The following AMOT variants were observed in gnomAD, a reference collection of about 807,000 sequenced individuals.
AMOT encodes angiomotin.
Under a neutral mutation model 67.0 loss-of-function variants are expected in AMOT, and 11 were observed. That is an observed-to-expected ratio of 0.16 (90% confidence interval 0.10 to 0.27). The LOEUF (loss-of-function observed/expected upper bound fraction) is 0.27, where lower values mean the gene tolerates loss of function less well. AMOT is among the 10% of genes least tolerant of loss of function. AMOT has a pLI of 1.00. For synonymous variants in AMOT, 326 were observed against 321.4 expected, an observed-to-expected ratio of 1.01 and a Z score of -0.15; for missense variants, 753 against 852.0, an observed-to-expected ratio of 0.88 and a Z score of 1.45.
chrX:112,824,269 A>G (rs1192448699), intron 3 of AMOT, among the ~76,000 whole-genome samples: 1 of 112,037 alleles, frequency 8.9e-6, no homozygotes, highest in African/African-American at 3.2e-5. Context: ...GTCAATGTTA[A>G]GTATTGGAAT....
At chrX:112,831,906 A>AT (rs1389005642) in intron 2 of AMOT, among the ~76,000 whole-genome samples, 16 of 110,821 alleles carry the variant, frequency 1.4e-4, no homozygotes, top group African/African-American at 5.3e-4. Flanking sequence ...ATTTATCCCG[A>AT]TGGCCTTTCC....
chrX:112,785,561 T>C (rs761455525), intron 10 of AMOT, among the ~76,000 whole-genome samples: 2 of 112,169 alleles, frequency 1.8e-5, no homozygotes, highest in Non-Finnish European at 3.8e-5. Flanking sequence ...AGTACAGCAG[T>C]GAGTTTGGAC....
intron 10 of AMOT, among the ~76,000 whole-genome samples, chrX:112,788,965 G>A (rs912135917): frequency 5.4e-5 from 6 of 112,126 alleles, no homozygotes; most frequent in Admixed American, 1.9e-4. Context: ...TTCAAAGGAC[G>A]AAGGAAGGAG....
At chrX:112,802,365 G>C (rs992111146) in intron 8 of AMOT, among the ~76,000 whole-genome samples, 2 of 112,406 alleles carry the variant, frequency 1.8e-5, no homozygotes, top group African/African-American at 3.2e-5. Context: ...GAGGAGACAC[G>C]ACAAACAGCG....
At position 112,807,161 on chromosome X, in the gene AMOT, A is replaced by G. The variant is rs1228361260; in HGVS notation, c.1631-2069T>C. 2.7e-5 allele frequency among the ~76,000 whole-genome samples: 3 copies of G among 111,095 alleles called. No individual in the cohort carries two copies. In the Admixed American group the frequency reaches 2.9e-4, roughly 11 times the overall value. On this transcript the variant is annotated intron_variant, in intron 7 of 13. Coordinates refer to ENST00000371959, the MANE Select transcript of AMOT (RefSeq NM_001113490.2). ...CTGGCCTTCCACACGAGAGAAGGAA[A>G]TAACCAGCTGAAGCCCTTTCTAGTG...
chrX:112,789,742 C>A (rs79255737), intron 10 of AMOT, among the ~76,000 whole-genome samples: 1 of 110,598 alleles, frequency 9.0e-6, no homozygotes, highest in Non-Finnish European at 1.9e-5. Context: ...AGAGACCTAT[C>A]TGGGTGCAAT....
intron 10 of AMOT, among the ~76,000 whole-genome samples, chrX:112,788,403 G>A (rs1933452627): frequency 9.1e-6 from 1 of 110,254 alleles, no homozygotes; most frequent in Non-Finnish European, 1.9e-5. Flanking sequence ...AGAAAGAAGA[G>A]GAAAACAAGT....
At chrX:112,801,947 G>C (rs1236071611) in intron 8 of AMOT, among the ~76,000 whole-genome samples, 1 of 112,398 alleles carries the variant, frequency 8.9e-6, no homozygotes, top group Non-Finnish European at 1.9e-5. Flanking sequence ...TCTAAGGTTC[G>C]AGAAAAGAGG....
At chrX:112,793,650 C>T (rs1453576946) in intron 8 of AMOT, among the ~76,000 whole-genome samples, 1 of 112,401 alleles carries the variant, frequency 8.9e-6, no homozygotes, top group Non-Finnish European at 1.9e-5. Flanking sequence ...GCAAACAAAA[C>T]CTTTTTCGAC....
intron 10 of AMOT, among the ~76,000 whole-genome samples, chrX:112,783,082 G>T (rs752299843): frequency 3.6e-5 from 4 of 110,467 alleles, no homozygotes; most frequent in African/African-American, 1.3e-4. Flanking sequence ...ATCATCTGAG[G>T]TCAGGAGTTT....
Position 112,782,639 on chromosome X carries a change from G to C in AMOT, c.2141C>G (p.Ser714Cys). The C allele has an allele frequency of 8.3e-7, 1 of 1,211,052 alleles. No homozygotes were observed. Residue 714 changes from serine to cysteine, a missense_variant, in exon 11 of 14, where the codon TCT becomes TGT. Transcript: ENST00000371959. ...AGCTGTGTCATAGCTGGTGTTAGGA[G>C]AGTGACTGATGACTGTTGTGTCCCT... ...AQRDTTVISH[S>C]PNTSYDTALE... is the part of the protein sequence containing the mutation.
At chrX:112,808,261 C>G (rs1168453750) in intron 7 of AMOT, among the ~76,000 whole-genome samples, 19 of 112,093 alleles carry the variant, frequency 1.7e-4, no homozygotes, top group Non-Finnish European at 3.6e-4. Flanking sequence ...AACAGAGACC[C>G]AGACAGCTTG....
chrX:112,832,417 G>A (rs750974772), intron 1 of AMOT, 47 bp from the exon 2 acceptor site: 1 of 111,754 alleles, frequency 8.9e-6, no homozygotes, highest in South Asian at 3.8e-4. Context: ...TTTAGAACTG[G>A]AGAGGGAAGC....
intron 7 of AMOT, among the ~76,000 whole-genome samples, chrX:112,806,533 TAGC>T (rs755325981): frequency 1.8e-5 from 2 of 109,627 alleles, no homozygotes; most frequent in African/African-American, 6.6e-5. Flanking sequence ...GAGCTCAGTT[TAGC>T]AGCACCTATA....
At chrX:112,840,106 G>A (rs954366314) in intron 1 of AMOT, among the ~76,000 whole-genome samples, 1 of 111,129 alleles carries the variant, frequency 9.0e-6, no homozygotes, top group African/African-American at 3.3e-5. Context: ...ATGCATGCTG[G>A]GCTAAATGTA....
chrX:112,795,341 T>C (rs1346999330), intron 8 of AMOT, among the ~76,000 whole-genome samples: 2 of 109,567 alleles, frequency 1.8e-5, no homozygotes, highest in Non-Finnish European at 3.8e-5. Flanking sequence ...CAATGAAAGG[T>C]AAAGGAACAA....
At chrX:112,814,130 G>T (rs1049753192) in intron 5 of AMOT, among the ~76,000 whole-genome samples, 19 of 110,982 alleles carry the variant, frequency 1.7e-4, no homozygotes, top group African/African-American at 6.2e-4. Context: ...AAATTAGCCA[G>T]GCGTGGTGAC....
intron 4 of AMOT, among the ~76,000 whole-genome samples, chrX:112,821,814 G>A (rs1934723051): frequency 8.9e-6 from 1 of 112,300 alleles, no homozygotes; most frequent in Admixed American, 9.4e-5. Context: ...GAAATACACA[G>A]ATTTGTTTGC....
At position 112,779,143 on chromosome X, in the gene AMOT, G is replaced by C; in HGVS notation, c.3011C>G (p.Pro1004Arg). The change falls in exon 13 of 14, where the codon CCA becomes CGA. Residue 1004 changes from proline (P) to arginine (R), a missense_variant. Physicochemically the swap from Pro to Arg is moderately radical, Grantham distance 103. Coordinates refer to ENST00000371959, the MANE Select transcript of AMOT (RefSeq NM_001113490.2). Reference sequence around the variant, plus strand: ...TGGAGCCACAGCCGGAGCTGAAGTTGGTGCCTGAGTCTGAGCAGGAGCAGA... The same window carrying C: ...TGGAGCCACAGCCGGAGCTGAAGTTCGTGCCTGAGTCTGAGCAGGAGCAGA... ...QASAPAQTQA[P>R]TSAPAVAPTP... The C allele has an allele frequency of 9.9e-7, 1 of 1,012,928 alleles. No homozygotes were observed. The highest frequency in any genetic ancestry group is 1.9e-5 in the South Asian group (1 of 52,890). 83.5% of individuals were successfully genotyped at this position (1,012,928 alleles called of 1,213,427 possible).
Sources: gnomAD v4.1 joint callset for allele counts (sites outside exome capture counted in the v4.1 genomes callset) on GRCh38, gnomAD v4.1.1 for gene constraint, MANE v1.5 for transcripts, NCBI Gene and HGNC (gene_info 2026-07-23, HGNC 2026-07-21) for gene names.